The following CCND3 variants were observed in gnomAD, a reference collection of about 807,000 sequenced individuals.
CCND3 encodes the protein cyclin D3.
Under a neutral mutation model 28.7 loss-of-function variants are expected in CCND3, and 9 were observed. That is an observed-to-expected ratio of 0.31 (90% confidence interval 0.19 to 0.55). CCND3 has a LOEUF of 0.55. Ranked by LOEUF, CCND3 falls within the 20% of genes least tolerant of loss-of-function variation. CCND3 has a pLI of 0.93. For missense variants in CCND3, 315 were observed against 385.8 expected (o/e 0.82, Z 1.54); for synonymous variants, 164 against 163.9 (o/e 1.00, Z 0.00).
intron 1 of CCND3, among the ~76,000 whole-genome samples, chr6:41,982,184 C>T (rs539376013): frequency 1.3e-5 from 2 of 151,140 alleles, no homozygotes; most frequent in East Asian, 2.0e-4. Context: ...GCAGGAGAAT[C>T]GCTTGAGCCC....
chr6:41,982,470 G>T (rs1762374145), intron 1 of CCND3, among the ~76,000 whole-genome samples: 1 of 152,098 alleles, frequency 6.6e-6, no homozygotes. Context: ...TCAATCAATA[G>T]AGAAGACTCA....
At position 42,004,845 on chromosome 6, in the gene CCND3, A is replaced by G. The variant is rs191643375; in HGVS notation, c.-46+43656T>C. Among the ~76,000 whole-genome samples the G allele has an allele frequency of 2.4e-3, 361 of 152,344 alleles. 1 individual carries two copies. The highest frequency in any genetic ancestry group is 8.3e-3 in the African/African-American group (345 of 41,592). Reference sequence around the variant, plus strand: ...GCCAGGATAACAGCTATAACCTGGCACTAGCCCAAGCAAACAAGGACATAT... The same window carrying G: ...GCCAGGATAACAGCTATAACCTGGCGCTAGCCCAAGCAAACAAGGACATAT... On this transcript the variant is annotated intron_variant, in intron 1 of 4. Coordinates refer to the CCND3 transcript ENST00000372988.
intron 1 of CCND3, among the ~76,000 whole-genome samples, chr6:41,955,775 C>T (rs1440289267): frequency 6.6e-6 from 1 of 151,518 alleles, no homozygotes; most frequent in East Asian, 1.9e-4. Flanking sequence ...GACCCTGTCT[C>T]TACAAAAAAA....
In CCND3 at chr6:41,938,674, T is replaced by C. The variant is rs1443699478; in HGVS notation, c.415-1280A>G. On this transcript the variant is annotated intron_variant, in intron 2 of 4. Coordinates refer to ENST00000372991, the MANE Select transcript of CCND3 (RefSeq NM_001760.5). The surrounding 1 kb of genome is among the most constrained non-coding windows in gnomAD (Gnocchi z 4.6). Reference sequence around the variant, plus strand: ...GCAACCAGAGAATCCCAGTGTTAACTGGTGGAGAACACACCCCTGGGAGTG... The same window carrying C: ...GCAACCAGAGAATCCCAGTGTTAACCGGTGGAGAACACACCCCTGGGAGTG... 1.3e-5 allele frequency among the ~76,000 whole-genome samples: 2 copies of C among 152,198 alleles called. No individual in the cohort carries two copies. The highest frequency in any genetic ancestry group is 2.9e-5 in the Non-Finnish European group (2 of 68,044).
At chr6:41,979,941 T>C in intron 1 of CCND3, among the ~76,000 whole-genome samples, 1 of 151,550 alleles carries the variant, frequency 6.6e-6, no homozygotes, top group East Asian at 1.9e-4. Context: ...CAGCCAAGTT[T>C]CACTTCTTTA....
At chr6:41,971,348 C>T (rs984049657) in intron 1 of CCND3, among the ~76,000 whole-genome samples, 1 of 152,118 alleles carries the variant, frequency 6.6e-6, no homozygotes, top group Non-Finnish European at 1.5e-5. Flanking sequence ...GACTTGAACT[C>T]CTGGGCTCAA....
chr6:42,035,211 C>T (rs1018192430), intron 1 of CCND3, among the ~76,000 whole-genome samples: 14 of 152,192 alleles, frequency 9.2e-5, no homozygotes, highest in Non-Finnish European at 1.3e-4. Context: ...TACTCCCTTG[C>T]GGAAGCATGC....
chr6:42,005,262 C>T (rs180756645), intron 1 of CCND3, among the ~76,000 whole-genome samples: 5 of 152,060 alleles, frequency 3.3e-5, no homozygotes, highest in Admixed American at 2.6e-4. Context: ...ATTACTGGGG[C>T]GAGGTGTGGT....
intron 1 of CCND3, among the ~76,000 whole-genome samples, chr6:41,991,441 T>C (rs1762647048): frequency 6.6e-6 from 1 of 152,230 alleles, no homozygotes; most frequent in African/African-American, 2.4e-5. Flanking sequence ...ACCAGTTTGT[T>C]TCTTTTTAAT....
chr6:42,049,377 CTCTT>C (rs936913176), upstream of CCND3, among the ~76,000 whole-genome samples: 2 of 152,212 alleles, frequency 1.3e-5, no homozygotes, highest in African/African-American at 4.8e-5. Context: ...CTGTGACAGA[CTCTT>C]TCTGTGTATC....
At chr6:42,024,175 A>G (rs9357383) in intron 1 of CCND3, among the ~76,000 whole-genome samples, 119,118 of 151,862 alleles carry the variant, frequency 0.78, 46,904 homozygotes, top group East Asian at 0.93. Context: ...AGGCCGAGGC[A>G]GGTGGATCAC....
Position 41,938,758 on chromosome 6 carries a change from T to C in CCND3, c.415-1364A>G. Among the ~76,000 whole-genome samples, 1 of 150,900 alleles carries C rather than the reference T, an allele frequency of 6.6e-6. No homozygotes were observed. Among genetic ancestry groups the C allele is most frequent in the East Asian group, 2.0e-4 (1 of 5,088 alleles). On this transcript the variant is annotated intron_variant, in intron 2 of 4. Transcript: ENST00000372991. This position sits in a 1 kb window ranked among gnomAD's most constrained non-coding sequence, Gnocchi z 4.6. ...TCCTGACTTTTAAGGCAACCTGGTC[T>C]AGCTAGAAGACCCAGGTTCTACACT...
intron 2 of CCND3, 142 bp from the exon 3 acceptor site, chr6:41,937,536 C>T (rs1457544591): frequency 2.8e-5 from 27 of 970,420 alleles, no homozygotes; most frequent in South Asian, 1.2e-4. Context: ...ATTTTAAGGC[C>T]GGGCACCATG....
chr6:42,045,736 A>G lies in CCND3; in HGVS notation c.-46+2765T>C, dbSNP rs1252116945. ...TTGAAACTTGAGGATTTAAAATTTA[A>G]ATGTCTTTGAGAGCAAGATAAACAC... On this transcript the variant is annotated intron_variant, in intron 1 of 4. Coordinates refer to the CCND3 transcript ENST00000372988. 2.6e-5 allele frequency among the ~76,000 whole-genome samples: 4 copies of G among 152,338 alleles called. No individual in the cohort carries two copies. The East Asian group carries it at 7.7e-4, about 29-fold the overall frequency.
intron 1 of CCND3, among the ~76,000 whole-genome samples, chr6:41,966,290 T>C (rs1349357746): frequency 6.6e-6 from 1 of 152,046 alleles, no homozygotes; most frequent in East Asian, 1.9e-4. Flanking sequence ...CCAGATATGG[T>C]GGTGCATGCC....
intron 1 of CCND3, among the ~76,000 whole-genome samples, chr6:41,968,973 T>C (rs986220958): frequency 6.6e-6 from 1 of 152,000 alleles, no homozygotes; most frequent in African/African-American, 2.4e-5. Context: ...TTTTTGTATT[T>C]TTAGTAGAAA....
intron 1 of CCND3, among the ~76,000 whole-genome samples, chr6:41,984,095 T>A (rs1365790423): frequency 1.3e-5 from 2 of 152,238 alleles, no homozygotes; most frequent in Non-Finnish European, 2.9e-5. Flanking sequence ...GTCCTCAATA[T>A]TCATCCATAT....
chr6:42,013,492 A>G (rs1763399170), intron 1 of CCND3, among the ~76,000 whole-genome samples: 1 of 152,222 alleles, frequency 6.6e-6, no homozygotes, highest in African/African-American at 2.4e-5. Flanking sequence ...GTCTTGGCAC[A>G]TAGTAGACAT....
At position 41,954,250 on chromosome 6, in the gene CCND3, TAAAAAAAAA is replaced by T. The variant is rs34556754; in HGVS notation, c.-45-13674_-45-13666del. Among the ~76,000 whole-genome samples, 5 of 35,146 alleles carry T rather than the reference TAAAAAAAAA, an allele frequency of 1.4e-4. No individual in the cohort carries two copies. The East Asian group carries it at 1.8e-3, about 13-fold the overall frequency. The allele number at this position is 35,146 out of a possible 152,430, so 23.1% of individuals were successfully genotyped here. A position where few individuals can be genotyped will look rare whatever the true frequency, so the allele number is the denominator to read the frequency against. On this transcript the variant is annotated intron_variant, in intron 1 of 4. Coordinates refer to the CCND3 transcript ENST00000372988. ...TGGGGTACAGAGCAAGATTCTGCCT[TAAAAAAAAA>T]AAAAAAAAAAAAAAAAGGTGTGGTG...
Sources: allele counts gnomAD v4.1 joint callset (sites outside exome capture counted in the v4.1 genomes callset), GRCh38; gene constraint gnomAD v4.1.1; non-coding constraint Gnocchi (gnomAD v3.1); transcripts MANE v1.5; gene names NCBI Gene and HGNC (gene_info 2026-07-23, HGNC 2026-07-21).